FBXO4: variants seen among roughly 807,000 people sequenced by gnomAD.
The protein encoded by FBXO4 is F-box only protein 4.
Under a neutral mutation model 43.7 loss-of-function variants are expected in FBXO4, and 36 were observed. That is an observed-to-expected ratio of 0.82 (90% CI 0.63 to 1.09). The LOEUF is 1.09. Among genes scored for constraint, FBXO4 ranks in the 50% least tolerant of loss-of-function variants. The pLI, the probability that FBXO4 is intolerant of heterozygous loss-of-function variation, is 0.00. For missense variants in FBXO4, 435 were observed against 474.1 expected, an observed-to-expected ratio of 0.92 and a Z score of 0.77; for synonymous variants, 180 against 165.6, an observed-to-expected ratio of 1.09 and a Z score of -0.67.
chr5:41,932,743 G>T (rs1004944408), intron 3 of FBXO4, among the ~76,000 whole-genome samples: 17 of 152,170 alleles, frequency 1.1e-4, no homozygotes, highest in African/African-American at 4.1e-4. Flanking sequence ...GGTGAGTGAT[G>T]ATGACAATGT....
At chr5:41,961,957 G>A in the FBXO4 span, among the ~76,000 whole-genome samples, 14 of 152,254 alleles carry the variant, frequency 9.2e-5, no homozygotes, top group Middle Eastern at 3.4e-3. Flanking sequence ...CTCTCTCCTG[G>A]CATCTCAAGT....
the FBXO4 span, among the ~76,000 whole-genome samples, chr5:41,978,937 G>C: frequency 6.6e-6 from 1 of 152,024 alleles, no homozygotes; most frequent in South Asian, 2.1e-4. Context: ...AATTCTATTG[G>C]GATAAAGGTA....
chr5:42,007,591 G>C, the FBXO4 span, among the ~76,000 whole-genome samples: 3 of 152,052 alleles, frequency 2.0e-5, no homozygotes, highest in African/African-American at 7.2e-5. Context: ...CCAGTCCCTT[G>C]CTTAATCTCT....
At chr5:42,027,857 A>G in the FBXO4 span, among the ~76,000 whole-genome samples, 2 of 151,724 alleles carry the variant, frequency 1.3e-5, no homozygotes, top group East Asian at 1.9e-4. Flanking sequence ...TCCTCTTGTT[A>G]TTGACGTTTG....
At chr5:41,973,866 C>A in the FBXO4 span, among the ~76,000 whole-genome samples, 1 of 152,072 alleles carries the variant, frequency 6.6e-6, no homozygotes, top group Admixed American at 6.5e-5. Flanking sequence ...CTTTTAGACC[C>A]ATTAAACTTC....
At chr5:41,944,743 T>A (rs988595587), downstream of FBXO4, among the ~76,000 whole-genome samples, 2 of 152,216 alleles carry the variant, frequency 1.3e-5, no homozygotes, top group African/African-American at 4.8e-5. Flanking sequence ...AACAGCAATT[T>A]AGAGCCATTA....
At chr5:41,968,909 T>C in the FBXO4 span, among the ~76,000 whole-genome samples, 3 of 152,240 alleles carry the variant, frequency 2.0e-5, no homozygotes, top group Non-Finnish European at 2.9e-5. Flanking sequence ...TATGATTTTA[T>C]GAATGCCCAT....
At chr5:42,030,704 C>G in the FBXO4 span, among the ~76,000 whole-genome samples, 1 of 151,782 alleles carries the variant, frequency 6.6e-6, no homozygotes, top group East Asian at 1.9e-4. Flanking sequence ...TCGCAACCTA[C>G]TCATCTGACA....
At chr5:41,992,517 TC>T in the FBXO4 span, among the ~76,000 whole-genome samples, 1 of 152,266 alleles carries the variant, frequency 6.6e-6, no homozygotes, top group Non-Finnish European at 1.5e-5. Context: ...AAACTTATAA[TC>T]CCAGAGCTAA....
chr5:42,026,286 C>T, the FBXO4 span, among the ~76,000 whole-genome samples: 1 of 151,684 alleles, frequency 6.6e-6, no homozygotes, highest in Admixed American at 6.6e-5. Context: ...ATTAACTTCA[C>T]TTGTAGCTAT....
chr5:41,967,380 C>T, the FBXO4 span: 3 of 506,194 alleles, frequency 5.9e-6, no homozygotes, highest in African/African-American at 5.8e-5. Flanking sequence ...CACATCAATG[C>T]TATTGCTTCT....
chr5:41,958,170 T>C, the FBXO4 span, among the ~76,000 whole-genome samples: 1 of 150,084 alleles, frequency 6.7e-6, no homozygotes, highest in Non-Finnish European at 1.5e-5. Flanking sequence ...AGTCTCGCTC[T>C]GTCACCCAGG....
chr5:41,996,098 G>A, the FBXO4 span, among the ~76,000 whole-genome samples: 1 of 152,170 alleles, frequency 6.6e-6, no homozygotes, highest in African/African-American at 2.4e-5. Context: ...GTGCAGGCTG[G>A]GGGAGAGAAG....
the FBXO4 span, among the ~76,000 whole-genome samples, chr5:41,955,243 A>G: frequency 6.6e-6 from 1 of 152,186 alleles, no homozygotes; most frequent in Non-Finnish European, 1.5e-5. Flanking sequence ...ATCATATAGA[A>G]TCTGGAAAGA....
chr5:41,936,425 T>C (rs1331271378), intron 5 of FBXO4, among the ~76,000 whole-genome samples: 1 of 152,058 alleles, frequency 6.6e-6, no homozygotes, highest in Non-Finnish European at 1.5e-5. Context: ...TCGCAACTAC[T>C]TGGGAGGCTG....
chr5:42,035,726 C>A, the FBXO4 span, among the ~76,000 whole-genome samples: 1 of 152,094 alleles, frequency 6.6e-6, no homozygotes, highest in Non-Finnish European at 1.5e-5. Context: ...CTCAAACTGT[C>A]ATGCAAGAGC....
chr5:42,034,275 G>A, the FBXO4 span, among the ~76,000 whole-genome samples: 2,441 of 152,052 alleles, frequency 0.016, 121 homozygotes, highest in East Asian at 0.1. Flanking sequence ...CCTTTGTCAG[G>A]TGAGTGGATT....
chr5:41,935,245 A>T (rs753705553), intron 5 of FBXO4, among the ~76,000 whole-genome samples: 1 of 152,174 alleles, frequency 6.6e-6, no homozygotes, highest in Non-Finnish European at 1.5e-5. Flanking sequence ...AATTTACAAG[A>T]CACAAAGAGA....
the FBXO4 span, among the ~76,000 whole-genome samples, chr5:41,992,877 G>A: frequency 6.6e-6 from 1 of 152,120 alleles, no homozygotes. Context: ...TCTAGTTATA[G>A]TATTCTATTA....
Sources: allele counts gnomAD v4.1 joint callset (sites outside exome capture counted in the v4.1 genomes callset), GRCh38; gene constraint gnomAD v4.1.1; transcripts MANE v1.5; gene names NCBI Gene and HGNC (gene_info 2026-07-23, HGNC 2026-07-21).